Variants in MAP3K5 observed in about 807,000 individuals in gnomAD.
MAP3K5 encodes ASK-1.
Under a neutral mutation model 158.7 loss-of-function variants are expected in MAP3K5, and 56 were observed. That is an observed-to-expected ratio of 0.35 (90% confidence interval 0.28 to 0.44). MAP3K5 has a LOEUF of 0.44. Among genes scored for constraint, MAP3K5 ranks in the 20% least tolerant of loss-of-function variants. The pLI, the probability that MAP3K5 is intolerant of heterozygous loss-of-function variation, is 1.00. For missense variants in MAP3K5, 1,294 were observed against 1,674.8 expected (o/e 0.77, Z 3.97); for synonymous variants, 579 against 601.7 (o/e 0.96, Z 0.55).
chr6:136,781,554 A>G (rs1784612934), intron 1 of MAP3K5, among the ~76,000 whole-genome samples: 1 of 152,232 alleles, frequency 6.6e-6, no homozygotes, highest in African/African-American at 2.4e-5. Flanking sequence ...GGAAGTTGGA[A>G]GACCTCCTAT....
intron 20 of MAP3K5, 107 bp from the exon 21 acceptor site, chr6:136,601,149 C>T: frequency 1.0e-6 from 1 of 989,328 alleles, no homozygotes; most frequent in Non-Finnish European, 1.6e-6. Context: ...ATGTCCTTTC[C>T]AAACATTCAA....
chr6:136,659,785 A>G (rs1778925080), intron 8 of MAP3K5, among the ~76,000 whole-genome samples: 1 of 152,200 alleles, frequency 6.6e-6, no homozygotes, highest in African/African-American at 2.4e-5. Flanking sequence ...AAAGTTCGGG[A>G]GGTGAATAGT....
intron 25 of MAP3K5, among the ~76,000 whole-genome samples, chr6:136,579,450 C>T (rs1024022003): frequency 2.0e-5 from 3 of 152,212 alleles, no homozygotes; most frequent in Admixed American, 6.5e-5. Context: ...AACTTGGCTA[C>T]TCATCGACAT....
intron 15 of MAP3K5, among the ~76,000 whole-genome samples, chr6:136,621,608 G>A (rs1484886810): frequency 1.3e-5 from 2 of 152,166 alleles, no homozygotes; most frequent in African/African-American, 4.8e-5. Flanking sequence ...GTCTTTTAGT[G>A]AGCCAGTGCC....
intron 23 of MAP3K5, among the ~76,000 whole-genome samples, chr6:136,589,516 C>T (rs1343811698): frequency 6.6e-6 from 1 of 152,136 alleles, no homozygotes; most frequent in African/African-American, 2.4e-5. Flanking sequence ...ACACAGAATT[C>T]CAGGGAACAC....
intron 7 of MAP3K5, among the ~76,000 whole-genome samples, chr6:136,677,864 T>C (rs1562604291): frequency 6.6e-6 from 1 of 152,224 alleles, no homozygotes; most frequent in Non-Finnish European, 1.5e-5. Flanking sequence ...GAATCTATAG[T>C]ACCTGCCTCT....
intron 15 of MAP3K5, among the ~76,000 whole-genome samples, chr6:136,617,962 T>A (rs1305802034): frequency 6.6e-6 from 1 of 151,930 alleles, no homozygotes; most frequent in Admixed American, 6.6e-5. Flanking sequence ...AATAACCAGT[T>A]CAGGATATGT....
intron 26 of MAP3K5, among the ~76,000 whole-genome samples, chr6:136,562,859 T>C (rs1281217224): frequency 6.9e-6 from 1 of 144,316 alleles, no homozygotes; most frequent in East Asian, 2.1e-4. Context: ...TTTTTTTTTG[T>C]AGAGACAGAG....
At chr6:136,655,164 A>G (rs1778689949) in intron 10 of MAP3K5, among the ~76,000 whole-genome samples, 1 of 152,248 alleles carries the variant, frequency 6.6e-6, no homozygotes, top group Admixed American at 6.5e-5. Flanking sequence ...ACGAATTTGA[A>G]TGGTTTCCTT....
chr6:136,633,426 T>C, intron 14 of MAP3K5, among the ~76,000 whole-genome samples: 1 of 101,770 alleles, frequency 9.8e-6, no homozygotes, highest in East Asian at 4.4e-4. Context: ...TAAATATATG[T>C]ATATATATAT....
At chr6:136,754,797 C>T (rs1376744891) in intron 1 of MAP3K5, among the ~76,000 whole-genome samples, 3 of 152,044 alleles carry the variant, frequency 2.0e-5, no homozygotes, top group Non-Finnish European at 4.4e-5. Flanking sequence ...TGGAGGTCCT[C>T]GGCAGCCTAG....
chr6:136,563,183 T>C (rs1830594057), intron 26 of MAP3K5, among the ~76,000 whole-genome samples: 2 of 152,108 alleles, frequency 1.3e-5, no homozygotes, highest in Non-Finnish European at 2.9e-5. Flanking sequence ...CCGACAAGAA[T>C]TCAAAACCTC....
intron 8 of MAP3K5, among the ~76,000 whole-genome samples, chr6:136,664,181 T>C (rs1292942291): frequency 1.3e-5 from 2 of 152,080 alleles, no homozygotes; most frequent in African/African-American, 4.8e-5. Context: ...AGCATTAGAT[T>C]CTCATAGGAG....
rs60470020 is a variant in MAP3K5 at position 136,599,168 on chromosome 6, A to AGG, written c.2878+1852_2878+1853dup. Among the ~76,000 whole-genome samples, 231 of 121,696 alleles carry AGG rather than the reference A, an allele frequency of 1.9e-3. 2 individuals carry two copies. The highest frequency in any genetic ancestry group is 9.3e-3 in the East Asian group (33 of 3,544). The allele number at this position is 121,696 out of a possible 152,430, so 79.8% of individuals were successfully genotyped here. A position where few individuals can be genotyped will look rare whatever the true frequency, so the allele number is the denominator to read the frequency against. ...CCTAGGACTCCGTCTCAAAAAAAAA[A>AGG]GGGGGGGGGGGCGTGGATTTTAGCT... On this transcript the variant is annotated intron_variant, in intron 21 of 29. Transcript: ENST00000359015.
intron 15 of MAP3K5, 138 bp downstream of exon 15, chr6:136,622,710 C>T (rs779129369): frequency 2.8e-5 from 26 of 914,140 alleles, no homozygotes; most frequent in Non-Finnish European, 3.4e-5. Context: ...GATGCAGCAG[C>T]GAAACCTCAG....
At chr6:136,568,756 G>A (rs921309048) in intron 25 of MAP3K5, among the ~76,000 whole-genome samples, 1 of 151,342 alleles carries the variant, frequency 6.6e-6, no homozygotes, top group African/African-American at 2.4e-5. Context: ...TACTTGGGAG[G>A]CTGAGGTAGG....
chr6:136,680,021 A>G (rs1039031269), intron 7 of MAP3K5, among the ~76,000 whole-genome samples: 1 of 151,766 alleles, frequency 6.6e-6, no homozygotes, highest in Non-Finnish European at 1.5e-5. Context: ...GGAAGATTTG[A>G]GGGCCTTATG....
chr6:136,642,385 GGCT>G, intron 12 of MAP3K5, 132 bp downstream of exon 12: 1 of 714,722 alleles, frequency 1.4e-6, no homozygotes, highest in Non-Finnish European at 2.5e-6. Flanking sequence ...CACTGAAGAA[GGCT>G]GGGCATTTCC....
chr6:136,592,794 A>G (rs981067940), intron 21 of MAP3K5, 180 bp from the exon 22 acceptor site: 8 of 673,048 alleles, frequency 1.2e-5, no homozygotes, highest in Non-Finnish European at 1.6e-5. Context: ...AGCATAACCC[A>G]TACAGCAGGG....
Sources: allele counts gnomAD v4.1 joint callset (sites outside exome capture counted in the v4.1 genomes callset), GRCh38; gene constraint gnomAD v4.1.1; transcripts MANE v1.5; gene names NCBI Gene and HGNC (gene_info 2026-07-23, HGNC 2026-07-21).